ITPKB: variants seen among roughly 807,000 people sequenced by gnomAD.
ITPKB encodes IP3 3-kinase B.
Under a neutral mutation model 69.4 loss-of-function variants are expected in ITPKB, and 13 were observed. The ratio of observed to expected loss-of-function variants is 0.19; its 90% CI spans 0.12 to 0.30. The LOEUF is 0.30. ITPKB is among the 10% of genes least tolerant of loss of function. The pLI is 1.00. For synonymous variants in ITPKB, 584 were observed against 513.7 expected (o/e 1.14, Z -1.85); for missense variants, 1,240 against 1,250.5 (o/e 0.99, Z 0.13).
At position 226,737,161 on chromosome 1, in the gene ITPKB, G is replaced by C. The variant is rs990530815; in HGVS notation, c.298C>G (p.Pro100Ala). The stretch of plus-strand genomic sequence containing the variant: ...CCTCGCAGGCGACCAGCCCAACTTG[G>C]GCTGCTCACGCTACTGCCGCTGCTG... ...SGSSGSSVSS[P>A]SWAGRLRGDR... Residue 100 changes from proline to alanine, a missense_variant, in exon 2 of 8, where the codon CCA (proline) becomes GCA (alanine). Around this residue, in one of 2 missense-constraint regions of ITPKB, gnomAD observed 992 missense variants for 853.8 expected, o/e 1.16. Transcript: ENST00000429204. The C allele has an allele frequency of 1.9e-6, 3 of 1,591,868 alleles. No individual in the cohort carries two copies. Among genetic ancestry groups the C allele is most frequent in the Non-Finnish European group, 1.7e-6 (2 of 1,176,506 alleles).
intron 2 of ITPKB, among the ~76,000 whole-genome samples, chr1:226,685,976 G>A (rs1656208477): frequency 6.6e-6 from 1 of 152,198 alleles, no homozygotes; most frequent in Non-Finnish European, 1.5e-5. Flanking sequence ...AAGAGTGAGG[G>A]AGAAGAGGAG....
intron 2 of ITPKB, among the ~76,000 whole-genome samples, chr1:226,683,872 A>G (rs1277339904): frequency 2.0e-5 from 3 of 152,046 alleles, no homozygotes; most frequent in Non-Finnish European, 4.4e-5. Flanking sequence ...ACCAAACTTC[A>G]CTTTAAAGAA....
Position 226,736,148 on chromosome 1 carries a change from C to G in ITPKB, c.1311G>C (p.Trp437Cys). The G allele has an allele frequency of 6.4e-7, 1 of 1,565,490 alleles. No individual in the cohort carries two copies. Among genetic ancestry groups the G allele is most frequent in the Non-Finnish European group, 8.7e-7 (1 of 1,155,148 alleles). The change falls in exon 2 of 8, where the codon TGG (tryptophan) becomes TGC (cysteine). Residue 437 changes from tryptophan (W) to cysteine (C), a missense_variant. Coordinates refer to ENST00000429204, the MANE Select transcript of ITPKB (RefSeq NM_002221.4). ...CTCCCTCCACTCTGTCGGAGAGCTG[C>G]CAACGCCCCCCGCCCACGGGGGCCC... is the stretch of plus-strand genomic sequence containing the variant. ...RSGAPVGGGR[W>C]QLSDRVEGGS...
intron 2 of ITPKB, among the ~76,000 whole-genome samples, chr1:226,733,863 G>A (rs1358374078): frequency 6.6e-6 from 1 of 152,210 alleles, no homozygotes; most frequent in Non-Finnish European, 1.5e-5. Flanking sequence ...GACAAGAGCC[G>A]TTTTCAAACA....
intron 2 of ITPKB, among the ~76,000 whole-genome samples, chr1:226,686,659 A>C (rs961062148): frequency 1.3e-5 from 2 of 152,246 alleles, no homozygotes; most frequent in African/African-American, 4.8e-5. Flanking sequence ...CTCTGTACCT[A>C]TCTGGCACTA....
At chr1:226,638,477 G>A (rs990384659) in intron 6 of ITPKB, among the ~76,000 whole-genome samples, 1 of 152,182 alleles carries the variant, frequency 6.6e-6, no homozygotes, top group Admixed American at 6.5e-5. Context: ...TGTTCAGAAG[G>A]TGCCATTCAC....
At position 226,645,648 on chromosome 1, in the gene ITPKB, G is replaced by A. The variant is rs542726478; in HGVS notation, c.2246+1519C>T. Reference sequence around the variant, plus strand: ...CTGCTGCTGTCTGGGTTGGAAGGAAGGGCTGGGCCTCCCCTGAGAGGACAC... The same window carrying A: ...CTGCTGCTGTCTGGGTTGGAAGGAAAGGCTGGGCCTCCCCTGAGAGGACAC... On this transcript the variant is annotated intron_variant, in intron 4 of 7. Transcript: ENST00000429204. Among the ~76,000 whole-genome samples, 4 of 152,342 alleles carry A rather than the reference G, an allele frequency of 2.6e-5. No individual in the cohort carries two copies. The East Asian group carries it at 7.7e-4, about 29-fold the overall frequency.
chr1:226,641,100 G>A lies in ITPKB; in HGVS notation c.2451+821C>T, dbSNP rs148934692. On this transcript the variant is annotated intron_variant, in intron 5 of 7. Coordinates refer to ENST00000429204, the MANE Select transcript of ITPKB (RefSeq NM_002221.4). The surrounding 1 kb of genome is among the most constrained non-coding windows in gnomAD (Gnocchi z 4.6). ...CTGAGGGGCCGGCGCCCCAAAGCCC[G>A]GCTCTTGCAAATTTAACAGCAAGGG... 3.4e-3 allele frequency among the ~76,000 whole-genome samples: 513 copies of A among 152,312 alleles called. No individual in the cohort carries two copies. The highest frequency in any genetic ancestry group is 0.01 in the Middle Eastern group (3 of 294).
chr1:226,713,422 G>T (rs776412422), intron 2 of ITPKB, among the ~76,000 whole-genome samples: 9 of 152,152 alleles, frequency 5.9e-5, no homozygotes, highest in Non-Finnish European at 1.0e-4. Flanking sequence ...TTTCTCTAAG[G>T]CCTCTGTGCC....
chr1:226,735,280 GTTTT>G (rs1355423767), intron 2 of ITPKB, among the ~76,000 whole-genome samples: 1 of 152,152 alleles, frequency 6.6e-6, no homozygotes, highest in Non-Finnish European at 1.5e-5. Context: ...TTTAAAACTT[GTTTT>G]TTAAGATATG....
intron 2 of ITPKB, among the ~76,000 whole-genome samples, chr1:226,699,382 T>C (rs1322462908): frequency 6.6e-6 from 1 of 152,244 alleles, no homozygotes; most frequent in Non-Finnish European, 1.5e-5. Context: ...ACTACAGCAG[T>C]GTAGACTACA....
At chr1:226,701,871 C>A (rs912021654) in intron 2 of ITPKB, among the ~76,000 whole-genome samples, 2 of 152,010 alleles carry the variant, frequency 1.3e-5, no homozygotes, top group African/African-American at 4.8e-5. Context: ...AGCATCAGCA[C>A]TCCCTAATTC....
At position 226,738,842 on chromosome 1, in the gene ITPKB, C is replaced by A; in HGVS notation, c.-206+199G>T. On this transcript the variant is annotated intron_variant, in intron 1 of 7. Transcript: ENST00000429204. This position sits in a 1 kb window ranked among gnomAD's most constrained non-coding sequence, Gnocchi z 4.2. The stretch of plus-strand genomic sequence containing the variant: ...GCCCGGAAGGCGGGTAGGAGAAATG[C>A]GGAGACCTCGTCTCTCCCTATTTTC... Among the ~76,000 whole-genome samples, 1 of 152,300 alleles carries A rather than the reference C, an allele frequency of 6.6e-6. No individual in the cohort carries two copies. Among genetic ancestry groups the A allele is most frequent in the African/African-American group, 2.4e-5 (1 of 41,570 alleles).
chr1:226,696,624 C>G (rs1353128165), intron 2 of ITPKB, among the ~76,000 whole-genome samples: 2 of 152,166 alleles, frequency 1.3e-5, no homozygotes, highest in East Asian at 3.9e-4. Context: ...CCTTGGAGAC[C>G]AAGCAACCGC....
intron 2 of ITPKB, among the ~76,000 whole-genome samples, chr1:226,708,474 G>C (rs189986299): frequency 6.6e-5 from 10 of 152,160 alleles, no homozygotes; most frequent in Admixed American, 3.3e-4. Flanking sequence ...CGAGTAACTC[G>C]AGACATTCTG....
chr1:226,691,702 CCTAATAA>C (rs1656356888), intron 2 of ITPKB, among the ~76,000 whole-genome samples: 1 of 152,202 alleles, frequency 6.6e-6, no homozygotes, highest in Non-Finnish European at 1.5e-5. Flanking sequence ...TTCAACTTTC[CCTAATAA>C]ATAACAATGC....
chr1:226,681,071 T>TC (rs1481409858), intron 2 of ITPKB, among the ~76,000 whole-genome samples: 1 of 152,204 alleles, frequency 6.6e-6, no homozygotes, highest in African/African-American at 2.4e-5. Context: ...ATTCATGCCA[T>TC]CCTTGATAGC....
At chr1:226,700,760 C>T (rs754499381) in intron 2 of ITPKB, among the ~76,000 whole-genome samples, 12 of 152,138 alleles carry the variant, frequency 7.9e-5, no homozygotes, top group Admixed American at 2.0e-4. Flanking sequence ...CAGAACACCA[C>T]CTTCTGAGCC....
intron 2 of ITPKB, among the ~76,000 whole-genome samples, chr1:226,665,512 T>C (rs1299977768): frequency 6.6e-6 from 1 of 152,122 alleles, no homozygotes; most frequent in Non-Finnish European, 1.5e-5. Context: ...GCAAGTAAGA[T>C]GTGGCCCTTC....
Sources: allele counts gnomAD v4.1 joint callset (sites outside exome capture counted in the v4.1 genomes callset), GRCh38; gene constraint gnomAD v4.1.1; regional missense constraint gnomAD v4.1.1; non-coding constraint Gnocchi (gnomAD v3.1); transcripts MANE v1.5; gene names NCBI Gene and HGNC (gene_info 2026-07-23, HGNC 2026-07-21).